The following UNC5D variants were observed in gnomAD, a reference collection of about 807,000 sequenced individuals.
UNC5D encodes the protein netrin receptor UNC5D.
UNC5D carries 39 observed loss-of-function variants against 105.4 expected under a neutral mutation model. The observed-to-expected ratio is 0.37, with a 90% CI of 0.29 to 0.48. The LOEUF is 0.48. UNC5D is among the 20% of genes least tolerant of loss of function. UNC5D has a pLI of 0.98. For missense variants in UNC5D, 991 were observed against 1,202.4 expected (o/e 0.82, Z 2.60); for synonymous variants, 452 against 450.4 (o/e 1.00, Z -0.04).
chr8:35,299,450 G>T (rs1209496622), intron 1 of UNC5D, among the ~76,000 whole-genome samples: 1 of 152,144 alleles, frequency 6.6e-6, no homozygotes, highest in Non-Finnish European at 1.5e-5. Context: ...CAGACTGCTG[G>T]GTCTATTCTT....
At chr8:35,235,984 G>C (rs1379093948) in intron 1 of UNC5D, 97 bp downstream of exon 1, 2 of 1,087,612 alleles carry the variant, frequency 1.8e-6, no homozygotes, top group Non-Finnish European at 2.3e-6. Flanking sequence ...TTCCCAACTT[G>C]CGCCCTGCAC....
At chr8:35,573,303 T>C (rs1326599104) in intron 3 of UNC5D, among the ~76,000 whole-genome samples, 1 of 152,054 alleles carries the variant, frequency 6.6e-6, no homozygotes, top group Non-Finnish European at 1.5e-5. Context: ...GTGAGCTGGA[T>C]ATGTTGGTGC....
chr8:35,290,719 C>T (rs1263358656), intron 1 of UNC5D, among the ~76,000 whole-genome samples: 8 of 152,050 alleles, frequency 5.3e-5, no homozygotes, highest in Admixed American at 3.9e-4. Context: ...GAGGCCAAGG[C>T]GGGCGGATCA....
At chr8:35,521,455 G>A (rs1264902783) in intron 1 of UNC5D, among the ~76,000 whole-genome samples, 1 of 152,130 alleles carries the variant, frequency 6.6e-6, no homozygotes, top group Non-Finnish European at 1.5e-5. Context: ...TCATGAAAAG[G>A]ACCATGTTTT....
intron 15 of UNC5D, 112 bp from the exon 16 acceptor site, chr8:35,774,187 C>T: frequency 8.4e-7 from 1 of 1,192,962 alleles, no homozygotes; most frequent in South Asian, 1.5e-5. Context: ...TCCATCACAA[C>T]AGGCAAGCAT....
At chr8:35,764,313 T>C (rs1801670658) in intron 14 of UNC5D, among the ~76,000 whole-genome samples, 1 of 152,018 alleles carries the variant, frequency 6.6e-6, no homozygotes, top group Non-Finnish European at 1.5e-5. Context: ...ATAACAGAGA[T>C]GATGTTTTTG....
intron 4 of UNC5D, among the ~76,000 whole-genome samples, chr8:35,660,895 C>T (rs1447370964): frequency 1.3e-5 from 2 of 152,058 alleles, no homozygotes; most frequent in African/African-American, 2.4e-5. Context: ...AGATCAAGAC[C>T]AGCCTGGGTA....
intron 1 of UNC5D, among the ~76,000 whole-genome samples, chr8:35,400,866 G>C (rs1804413394): frequency 6.6e-6 from 1 of 152,040 alleles, no homozygotes; most frequent in African/African-American, 2.4e-5. Context: ...ACTTGTTTTT[G>C]CATCTTATTG....
At position 35,792,713 on chromosome 8, in the gene UNC5D, T is replaced by C. The variant is rs1034388093; in HGVS notation, c.*2150T>C. On this transcript the variant is annotated 3_prime_UTR_variant, in exon 17 of 17. Transcript: ENST00000404895. ...TGTAGAAAGCACATTATAGAGCTTA[T>C]GTTGGAATCCATCTTGGAGGATTTT... 2 of 255,752 alleles carry C rather than the reference T, an allele frequency of 7.8e-6. No individual in the cohort carries two copies. Among genetic ancestry groups the C allele is most frequent in the Non-Finnish European group, 1.5e-5 (2 of 131,326 alleles). The allele number at this position is 255,752 out of a possible 1,614,324, so 15.8% of individuals were successfully genotyped here.
chr8:35,396,970 G>A (rs1449836158), intron 1 of UNC5D, among the ~76,000 whole-genome samples: 3 of 151,882 alleles, frequency 2.0e-5, no homozygotes, highest in Non-Finnish European at 2.9e-5. Flanking sequence ...GCTATGGCAC[G>A]ATCTTGGCTC....
chr8:35,371,441 AT>A (rs1399677534), intron 1 of UNC5D, among the ~76,000 whole-genome samples: 1 of 152,164 alleles, frequency 6.6e-6, no homozygotes, highest in East Asian at 1.9e-4. Context: ...TTGGGCTGAG[AT>A]TATCATTTTA....
rs187107648 is a variant in UNC5D, at chr8:35,550,501, T to A, written c.322+991T>A. Among the ~76,000 whole-genome samples the A allele has an allele frequency of 1.3e-4, 20 of 152,274 alleles. 1 individual carries two copies. In the East Asian group the frequency reaches 3.7e-3, roughly 28 times the overall value. On this transcript the variant is annotated intron_variant, in intron 2 of 16. Transcript: ENST00000404895. ...CGATTTTTGAATAAGTCAAAAAACA[T>A]CAGTATAACTCTGAAGTTTCAAATC...
At chr8:35,684,066 A>ACACT (rs1274998596) in intron 5 of UNC5D, among the ~76,000 whole-genome samples, 2 of 152,070 alleles carry the variant, frequency 1.3e-5, no homozygotes, top group Non-Finnish European at 2.9e-5. Flanking sequence ...CTCAAACCCA[A>ACACT]CACTCACCCC....
At chr8:35,588,718 C>T (rs780594972) in intron 3 of UNC5D, among the ~76,000 whole-genome samples, 72 of 152,242 alleles carry the variant, frequency 4.7e-4, no homozygotes, top group Middle Eastern at 6.8e-3. Context: ...GGCTATTGCA[C>T]TTCTACACAA....
At chr8:35,643,295 A>G (rs897043679) in intron 4 of UNC5D, among the ~76,000 whole-genome samples, 63 of 152,082 alleles carry the variant, frequency 4.1e-4, no homozygotes, top group African/African-American at 1.4e-3. Context: ...GAGAACCACC[A>G]CCCTAATTCT....
At chr8:35,601,115 T>G (rs909241561) in intron 4 of UNC5D, among the ~76,000 whole-genome samples, 1 of 152,174 alleles carries the variant, frequency 6.6e-6, no homozygotes, top group African/African-American at 2.4e-5. Context: ...GTTGTAGATA[T>G]GCGGCATTAT....
At chr8:35,342,131 G>A (rs192322469) in intron 1 of UNC5D, among the ~76,000 whole-genome samples, 7 of 152,058 alleles carry the variant, frequency 4.6e-5, no homozygotes, top group African/African-American at 1.2e-4. Flanking sequence ...TGTAGAATTC[G>A]TAGGGCCCAG....
chr8:35,626,182 G>A (rs1224395476), intron 4 of UNC5D, among the ~76,000 whole-genome samples: 2 of 151,526 alleles, frequency 1.3e-5, no homozygotes, highest in Admixed American at 6.6e-5. Context: ...CTCTCCCTGG[G>A]GCCACTCAGA....
chr8:35,603,470 G>A (rs1820038400), intron 4 of UNC5D, among the ~76,000 whole-genome samples: 1 of 152,106 alleles, frequency 6.6e-6, no homozygotes, highest in Non-Finnish European at 1.5e-5. Flanking sequence ...CAACTATGTG[G>A]TCAATTTTGG....
Sources: gnomAD v4.1 joint callset for allele counts (sites outside exome capture counted in the v4.1 genomes callset) on GRCh38, gnomAD v4.1.1 for gene constraint, MANE v1.5 for transcripts, NCBI Gene and HGNC (gene_info 2026-07-23, HGNC 2026-07-21) for gene names.